RARS1: variants seen among roughly 807,000 people sequenced by gnomAD.
RARS1 encodes the protein arginine--tRNA ligase, cytoplasmic.
RARS1 carries 75 observed loss-of-function variants against 78.7 expected under a neutral mutation model. The ratio of observed to expected loss-of-function variants is 0.95; its 90% confidence interval spans 0.79 to 1.15. The LOEUF (loss-of-function observed/expected upper bound fraction) is 1.15. RARS1 is among the 50% of genes most tolerant of loss of function. The pLI is 0.00. For missense variants in RARS1, 787 were observed against 787.5 expected, an observed-to-expected ratio of 1.00 and a Z score of 0.01; for synonymous variants, 273 against 268.2, an observed-to-expected ratio of 1.02 and a Z score of -0.18.
At position 168,486,556 on chromosome 5, in the gene RARS1, G is replaced by A. The variant is rs1449841221; in HGVS notation, c.45+13G>A. On this transcript the variant is annotated intron_variant, in intron 1 of 14. Transcript: ENST00000231572. ...GCTGCTGCAGCAGGTTTGGACGCAG[G>A]AGACCGGCGGGAAGGCCTGAAAGAG... 8 of 1,554,778 alleles carry A rather than the reference G, an allele frequency of 5.1e-6. No individual in the cohort carries two copies. Among genetic ancestry groups the A allele is most frequent in the Middle Eastern group, 1.7e-4 (1 of 6,014 alleles).
chr5:168,498,993 CAAAAATT>C (rs1434180286), intron 7 of RARS1, among the ~76,000 whole-genome samples: 2 of 151,686 alleles, frequency 1.3e-5, no homozygotes, highest in South Asian at 2.1e-4. Context: ...ATTATTTCTT[CAAAAATT>C]AAAAATTAAA....
intron 12 of RARS1, among the ~76,000 whole-genome samples, chr5:168,513,249 G>A (rs1758601358): frequency 7.0e-6 from 1 of 141,982 alleles, no homozygotes; most frequent in African/African-American, 2.6e-5. Context: ...TAGTAGAGAC[G>A]GGATTTCACC....
In RARS1 at chr5:168,502,383, TA is replaced by T. The variant is rs200950926; in HGVS notation, c.1057+279del. On this transcript the variant is annotated intron_variant, in intron 9 of 14. Transcript: ENST00000231572. ...ACAAATATATATATATATATATATA[TA>T]TTTTTTTTTTTTAAAACAATCTTGC... 4.9e-3 allele frequency among the ~76,000 whole-genome samples: 331 copies of T among 67,298 alleles called. 3 individuals are homozygous for T. Among genetic ancestry groups the T allele is most frequent in the African/African-American group, 0.017 (294 of 17,566 alleles). 44.2% of individuals were successfully genotyped at this position (67,298 alleles called of 152,430 possible).
rs747465017 is a variant in RARS1 at position 168,519,071 on chromosome 5, ATCTT to A, written c.1874-8_1874-5del. 1.3e-6 allele frequency: 2 copies of A among 1,595,816 alleles called. No individual in the cohort carries two copies. Among genetic ancestry groups the A allele is most frequent in the Non-Finnish European group, 1.7e-6 (2 of 1,169,680 alleles). On this transcript the variant is annotated splice_region_variant and splice_polypyrimidine_tract_variant and intron_variant, in intron 14 of 14. Transcript: ENST00000231572. ...ACAAGTTAATTAACAACTTTTTTCTATCTTTTCAGGAAAAATATTGAAGGTGAAC... is the reference window on the plus strand; with the variant it reads ...ACAAGTTAATTAACAACTTTTTTCTATTCAGGAAAAATATTGAAGGTGAAC...
chr5:168,504,797 C>T (rs1758403706), intron 9 of RARS1, among the ~76,000 whole-genome samples: 1 of 151,928 alleles, frequency 6.6e-6, no homozygotes, highest in African/African-American at 2.4e-5. Context: ...TGCACTCCAG[C>T]CTGGATGACA....
At chr5:168,488,493 C>G in intron 1 of RARS1, 109 bp from the exon 2 acceptor site, 1 of 1,197,632 alleles carries the variant, frequency 8.3e-7, no homozygotes, top group Non-Finnish European at 1.2e-6. Flanking sequence ...AGAAACACAG[C>G]TCATCAAAGG....
intron 3 of RARS1, among the ~76,000 whole-genome samples, chr5:168,493,480 TG>T (rs1758124482): frequency 6.6e-6 from 1 of 151,896 alleles, no homozygotes; most frequent in Non-Finnish European, 1.5e-5. Context: ...CTGTAGACTT[TG>T]TTATGTCATC....
In RARS1 at chr5:168,516,840, T is replaced by C. The variant is rs1269273788; in HGVS notation, c.1515T>C (p.Tyr505=). 3.1e-6 allele frequency: 5 copies of C among 1,614,090 alleles called. No individual in the cohort carries two copies. The highest frequency in any genetic ancestry group is 1.6e-4 in the Middle Eastern group (1 of 6,084). ...QTSVAYGCIK[Y]ADLSHNRLND... ...CCGTTGCGTATGGCTGCATCAAATA[T>C]GCTGACCTTTCCCATAACCGGTTGA... The change falls in exon 13 of 15, where the codon TAT becomes TAC. Residue 505 remains tyrosine (Y), a synonymous_variant. Transcript: ENST00000231572.
chr5:168,513,296 G>C (rs1758602121), intron 12 of RARS1, among the ~76,000 whole-genome samples: 1 of 147,770 alleles, frequency 6.8e-6, no homozygotes, highest in Non-Finnish European at 1.5e-5. Context: ...GTGACCTCGT[G>C]ATCTGCCCTG....
rs1758355018 is a variant in RARS1, at chr5:168,502,623, G to T, written c.1057+518G>T. On this transcript the variant is annotated intron_variant, in intron 9 of 14. Coordinates refer to ENST00000231572, the MANE Select transcript of RARS1 (RefSeq NM_002887.4). The stretch of plus-strand genomic sequence containing the variant: ...GTCTTACTCTGTCGCCTAGGCTGGA[G>T]TGCAGTGGCGTGATCTCGGCTGACT... Among the ~76,000 whole-genome samples the T allele has an allele frequency of 2.1e-5, 3 of 146,148 alleles. No homozygotes were observed. The Admixed American group carries it at 2.1e-4, about 10-fold the overall frequency.
At chr5:168,505,193 G>A (rs1758411248) in intron 9 of RARS1, among the ~76,000 whole-genome samples, 2 of 152,082 alleles carry the variant, frequency 1.3e-5, no homozygotes, top group Non-Finnish European at 1.5e-5. Context: ...TTTCTAAACT[G>A]TAAGAAAGCA....
Position 168,492,651 on chromosome 5 carries a change from T to G in RARS1, c.181-8T>G. On this transcript the variant is annotated splice_region_variant and splice_polypyrimidine_tract_variant and intron_variant, in intron 2 of 14. Coordinates refer to ENST00000231572, the MANE Select transcript of RARS1 (RefSeq NM_002887.4). The stretch of plus-strand genomic sequence containing the variant: ...CATTATTGACATGTTTCCATTCTTT[T>G]CCTACAGAGTCTTCAGGCAGAAAGG... 6.4e-7 allele frequency: 1 copy of G among 1,569,714 alleles called. No homozygotes were observed. Among genetic ancestry groups the G allele is most frequent in the Non-Finnish European group, 8.8e-7 (1 of 1,142,778 alleles).
In RARS1 at chr5:168,510,580, G is replaced by A; in HGVS notation, c.1347-1G>A. On this transcript the variant is annotated splice_acceptor_variant, in intron 11 of 14. Coordinates refer to ENST00000231572, the MANE Select transcript of RARS1 (RefSeq NM_002887.4). LOFTEE classifies it high-confidence loss of function. ...CTGATTGGGGGTTTTACATTTTTTA[G>A]GAAAAAGTTTAAAACACGTTCGGGT... The A allele has an allele frequency of 1.2e-6, 2 of 1,601,356 alleles. No homozygotes were observed. The highest frequency in any genetic ancestry group is 1.7e-6 in the Non-Finnish European group (2 of 1,175,914).
rs2152905883 is a variant in RARS1, at chr5:168,510,631, T to C, written c.1397T>C (p.Leu466Pro). The change falls in exon 12 of 15, where the codon CTG (leucine) becomes CCG (proline). Residue 466 changes from leucine (L) to proline (P), a missense_variant. Transcript: ENST00000231572. ...GAAACAGTGCGCCTCATGGATCTTC[T>C]GGGAGAAGGACTAAAACGATCCATG... ...SGETVRLMDL[L>P]GEGLKRSMDK... 6.2e-7 allele frequency: 1 copy of C among 1,611,238 alleles called. No homozygotes were observed. Among genetic ancestry groups the C allele is most frequent in the African/African-American group, 1.3e-5 (1 of 74,842 alleles).
intron 12 of RARS1, among the ~76,000 whole-genome samples, chr5:168,514,393 T>G (rs1348702207): frequency 6.6e-6 from 1 of 152,202 alleles, no homozygotes; most frequent in Admixed American, 6.5e-5. Context: ...TAATTCATTT[T>G]TTTCTTTTTG....
intron 2 of RARS1, among the ~76,000 whole-genome samples, chr5:168,492,135 C>T (rs1758100074): frequency 6.6e-6 from 1 of 151,988 alleles, no homozygotes; most frequent in African/African-American, 2.4e-5. Flanking sequence ...TCTTAAATGA[C>T]TATATTCCAT....
chr5:168,512,190 T>C (rs976234757), intron 12 of RARS1, among the ~76,000 whole-genome samples: 11 of 152,182 alleles, frequency 7.2e-5, no homozygotes, highest in African/African-American at 1.9e-4. Flanking sequence ...TATTCTGATA[T>C]ATGAAGGTGC....
chr5:168,500,679 T>C lies in RARS1; in HGVS notation c.911T>C (p.Ile304Thr). The change falls in exon 8 of 15, where the codon ATT (isoleucine) becomes ACT (threonine). Residue 304 changes from isoleucine to threonine, a missense_variant. Physicochemically the swap from Ile to Thr is moderately conservative, Grantham distance 89. Transcript: ENST00000231572. ...VVLLQGKNPDITKAWKLICDV... is the reference protein window; with the variant it reads ...VVLLQGKNPDTTKAWKLICDV... ...CTGCTCCAGGGTAAAAACCCAGATA[T>C]TACAAAAGCTTGGAAGCTTATCTGT... 6.2e-7 allele frequency: 1 copy of C among 1,610,196 alleles called. No homozygotes were observed. The highest frequency in any genetic ancestry group is 8.5e-7 in the Non-Finnish European group (1 of 1,179,066).
chr5:168,502,475 T>G (rs2152904872), intron 9 of RARS1, among the ~76,000 whole-genome samples: 1 of 148,724 alleles, frequency 6.7e-6, no homozygotes, highest in East Asian at 2.0e-4. Context: ...CCTCCCAGAG[T>G]GCTGGGATTA....
Sources: allele counts gnomAD v4.1 joint callset (sites outside exome capture counted in the v4.1 genomes callset), GRCh38; gene constraint gnomAD v4.1.1; transcripts MANE v1.5; gene names NCBI Gene and HGNC (gene_info 2026-07-23, HGNC 2026-07-21).